The following NAALADL2 variants were observed in gnomAD, a reference collection of about 807,000 sequenced individuals.
The protein encoded by NAALADL2 is inactive N-acetylated-alpha-linked acidic dipeptidase-like protein 2.
A neutral mutation model predicts 87.2 loss-of-function variants in NAALADL2; 76 were observed. That is an observed-to-expected ratio of 0.87 (90% CI 0.72 to 1.05). NAALADL2 has a LOEUF of 1.05. Among genes scored for constraint, NAALADL2 ranks in the 50% least tolerant of loss-of-function variants. The probability of loss-of-function intolerance (pLI) is 0.00; values close to 1 mark genes in which losing one functional copy is unlikely to be tolerated. For missense variants in NAALADL2, 1,089 were observed against 945.8 expected (o/e 1.15, Z -1.99); for synonymous variants, 354 against 331.0 (o/e 1.07, Z -0.75).
chr3:175,334,831 C>G (rs1315394954), intron 5 of NAALADL2, among the ~76,000 whole-genome samples: 1 of 152,076 alleles, frequency 6.6e-6, no homozygotes, highest in Non-Finnish European at 1.5e-5. Context: ...CCTTTGTGTT[C>G]CACTTTGTGT....
In NAALADL2 at chr3:175,100,387, C is replaced by G. The variant is rs376929739; in HGVS notation, c.545+3096C>G. ...TCCCGGTCTCTTCTCAAGAAAGAAG[C>G]CTCAAATCCAGTGGAAAAAGTTTAA... On this transcript the variant is annotated intron_variant, in intron 2 of 13. Coordinates refer to ENST00000454872, the MANE Select transcript of NAALADL2 (RefSeq NM_207015.3). Among the ~76,000 whole-genome samples, 6 of 152,122 alleles carry G rather than the reference C, an allele frequency of 3.9e-5. No homozygotes were observed. The East Asian group carries it at 9.6e-4, about 24-fold the overall frequency.
rs560321793 is a variant in NAALADL2 at position 175,179,862 on chromosome 3, G to A, written c.546-54069G>A. Among the ~76,000 whole-genome samples, 76 of 152,084 alleles carry A rather than the reference G, an allele frequency of 5.0e-4. 2 individuals carry two copies. The South Asian group carries it at 0.016, about 32-fold the overall frequency. ...TCTCAAGCAACACATTTCAGATTAA[G>A]CTGAGATTTGAAAAACTATTTCTGA... is the stretch of plus-strand genomic sequence containing the variant. On this transcript the variant is annotated intron_variant, in intron 2 of 13. Transcript: ENST00000454872.
chr3:175,256,856 A>T (rs73184703), intron 4 of NAALADL2: 25,902 of 166,534 alleles, frequency 0.16, 2,231 homozygotes, highest in Admixed American at 0.25. Flanking sequence ...ATAGTAAAAA[A>T]TGAGAACCAC....
chr3:174,729,620 C>A (rs1345970539), intron 2 of NAALADL2, among the ~76,000 whole-genome samples: 2 of 151,848 alleles, frequency 1.3e-5, no homozygotes, highest in Non-Finnish European at 2.9e-5. Context: ...TAAATATGAT[C>A]CTAACTATGC....
intron 9 of NAALADL2, among the ~76,000 whole-genome samples, chr3:175,496,207 C>T (rs1163542451): frequency 2.6e-5 from 4 of 152,094 alleles, no homozygotes; most frequent in Admixed American, 2.6e-4. Context: ...CACCAGAATT[C>T]ACAGTTTGTC....
chr3:175,190,995 A>G (rs936206404), intron 2 of NAALADL2, among the ~76,000 whole-genome samples: 9 of 151,244 alleles, frequency 6.0e-5, no homozygotes, highest in Non-Finnish European at 1.3e-4. Context: ...AAAAAAAAAA[A>G]AAAGAAAAAG....
rs543402911 is a variant in NAALADL2, at chr3:175,045,656, T to C, written c.44-51134T>C. On this transcript the variant is annotated intron_variant, in intron 1 of 13. Coordinates refer to ENST00000454872, the MANE Select transcript of NAALADL2 (RefSeq NM_207015.3). ...GGCCAGTATGATAATCTAATTATTA[T>C]GTCAGTTCTGTTGCCTCTGAGTCAC... is the stretch of plus-strand genomic sequence containing the variant. Among the ~76,000 whole-genome samples, 3 of 152,308 alleles carry C rather than the reference T, an allele frequency of 2.0e-5. No individual in the cohort carries two copies. The South Asian group carries it at 6.2e-4, about 32-fold the overall frequency.
intron 2 of NAALADL2, among the ~76,000 whole-genome samples, chr3:175,157,632 GC>G (rs1355438675): frequency 6.6e-6 from 1 of 152,068 alleles, no homozygotes; most frequent in Non-Finnish European, 1.5e-5. Flanking sequence ...CATAGGATCA[GC>G]CTGCTGTCAC....
chr3:174,677,019 A>T (rs1005427701), intron 2 of NAALADL2, among the ~76,000 whole-genome samples: 5 of 151,864 alleles, frequency 3.3e-5, no homozygotes, highest in Admixed American at 6.6e-5. Context: ...CTAGCTAGCT[A>T]TCCATTCTTT....
chr3:175,739,547 G>C (rs1326959034), intron 12 of NAALADL2, among the ~76,000 whole-genome samples: 2 of 152,150 alleles, frequency 1.3e-5, no homozygotes, highest in Non-Finnish European at 2.9e-5. Flanking sequence ...AACATCTGAA[G>C]AAAATCATTA....
At chr3:174,735,922 A>G (rs543361731) in intron 2 of NAALADL2, among the ~76,000 whole-genome samples, 1 of 152,240 alleles carries the variant, frequency 6.6e-6, no homozygotes, top group South Asian at 2.1e-4. Context: ...ATGCTTGCCA[A>G]GGGTGAACAG....
chr3:174,961,993 G>A (rs1021584591), intron 1 of NAALADL2, among the ~76,000 whole-genome samples: 45 of 150,652 alleles, frequency 3.0e-4, no homozygotes, highest in Non-Finnish European at 6.1e-4. Context: ...TGTCACTTCT[G>A]ATATTAGGTT....
At chr3:174,715,007 A>G (rs1285417126) in intron 2 of NAALADL2, among the ~76,000 whole-genome samples, 1 of 152,184 alleles carries the variant, frequency 6.6e-6, no homozygotes, top group Admixed American at 6.5e-5. Flanking sequence ...TTTAGCATGA[A>G]GAGTTGTTGA....
At chr3:174,909,410 G>C (rs140091761) in intron 1 of NAALADL2, among the ~76,000 whole-genome samples, 2 of 152,036 alleles carry the variant, frequency 1.3e-5, no homozygotes, top group African/African-American at 2.4e-5. Context: ...AACAATTATA[G>C]AGCACTCTAT....
In NAALADL2 at chr3:175,439,721, G is replaced by T. The variant is rs372112592; in HGVS notation, c.1091-7508G>T. 2.1e-3 allele frequency among the ~76,000 whole-genome samples: 268 copies of T among 125,946 alleles called. 2 individuals carry two copies. Among genetic ancestry groups the T allele is most frequent in the African/African-American group, 6.2e-3 (215 of 34,440 alleles). The allele number at this position is 125,946 out of a possible 152,430, so 82.6% of individuals were successfully genotyped here. ...TTTTCTTGTGTTTCTTGTGTTTGTG[G>T]TTTTTTTTTCTTTTTTTTCTTTTTT... On this transcript the variant is annotated intron_variant, in intron 5 of 13. Transcript: ENST00000454872.
chr3:175,413,111 A>C (rs1244499771), intron 5 of NAALADL2, among the ~76,000 whole-genome samples: 5 of 142,816 alleles, frequency 3.5e-5, no homozygotes, highest in African/African-American at 1.3e-4. Context: ...GGATGGCCTC[A>C]ATCTCCTGAC....
chr3:175,792,999 C>T (rs1042162318), intron 13 of NAALADL2, among the ~76,000 whole-genome samples: 4 of 152,240 alleles, frequency 2.6e-5, no homozygotes, highest in African/African-American at 9.6e-5. Context: ...CTGCAGGAAA[C>T]TTCCTCTCAA....
chr3:174,592,718 G>A (rs539960703), intron 2 of NAALADL2, among the ~76,000 whole-genome samples: 127 of 152,106 alleles, frequency 8.3e-4, no homozygotes, highest in African/African-American at 3.0e-3. Context: ...ATAAATTCTT[G>A]TTTCCATTAT....
intron 4 of NAALADL2, among the ~76,000 whole-genome samples, chr3:175,319,038 T>C (rs894070476): frequency 4.6e-5 from 7 of 152,264 alleles, no homozygotes; most frequent in African/African-American, 1.7e-4. Flanking sequence ...ATTATTCTTT[T>C]TAAGAATAGC....
Sources: gnomAD v4.1 joint callset for allele counts (sites outside exome capture counted in the v4.1 genomes callset) on GRCh38, gnomAD v4.1.1 for gene constraint, MANE v1.5 for transcripts, NCBI Gene and HGNC (gene_info 2026-07-23, HGNC 2026-07-21) for gene names.